EDA: variants seen among roughly 807,000 people sequenced by gnomAD.
EDA encodes the protein ectodysplasin-A.
Under a neutral mutation model 23.6 loss-of-function variants are expected in EDA, and 2 were observed. That is an observed-to-expected ratio of 0.08 (90% CI 0.03 to 0.27). EDA has a LOEUF of 0.27. Ranked by LOEUF, EDA falls within the 10% of genes least tolerant of loss-of-function variation. The pLI is 1.00. For synonymous variants in EDA, 131 were observed against 132.0 expected (o/e 0.99, Z 0.05); for missense variants, 229 against 324.2 (o/e 0.71, Z 2.26).
intron 1 of EDA, among the ~76,000 whole-genome samples, chrX:69,893,406 A>G (rs183273616): frequency 8.9e-6 from 1 of 111,905 alleles, no homozygotes; most frequent in Non-Finnish European, 1.9e-5. Context: ...TGAGACCACT[A>G]TTTAACTCAC....
chrX:69,904,118 G>A (rs2018143584), intron 1 of EDA, among the ~76,000 whole-genome samples: 1 of 111,591 alleles, frequency 9.0e-6, no homozygotes, highest in Non-Finnish European at 1.9e-5. Context: ...GCCACATGTG[G>A]TATTTTGATA....
chrX:69,776,612 T>C (rs1369851595), intron 1 of EDA, among the ~76,000 whole-genome samples: 1 of 110,829 alleles, frequency 9.0e-6, no homozygotes, highest in Non-Finnish European at 1.9e-5. Context: ...ATTAACAGCA[T>C]GAGAACAGAG....
intron 1 of EDA, among the ~76,000 whole-genome samples, chrX:69,734,102 A>G (rs1308134515): frequency 1.5e-4 from 17 of 111,669 alleles, no homozygotes; most frequent in Non-Finnish European, 3.2e-4. Flanking sequence ...GGTTTTTAAC[A>G]AAAAGTATTT....
chrX:69,667,140 T>G (rs1406979332), intron 1 of EDA, among the ~76,000 whole-genome samples: 1 of 90,287 alleles, frequency 1.1e-5, no homozygotes, highest in Non-Finnish European at 2.1e-5. Flanking sequence ...TTTTTTGAAA[T>G]GGAGTCTCGC....
chrX:70,037,277 C>T lies in EDA; in HGVS notation c.*1668C>T, dbSNP rs950224892. The T allele has an allele frequency of 1.8e-5, 2 of 111,791 alleles. No homozygotes were observed. The highest frequency in any genetic ancestry group is 6.5e-5 in the African/African-American group (2 of 30,719). 9.2% of individuals were successfully genotyped at this position (111,791 alleles called of 1,213,427 possible). A position where few individuals can be genotyped will look rare whatever the true frequency, so the allele number is the denominator to read the frequency against. Reference sequence around the variant, plus strand: ...CTTCCCTTTCTAAGCAACCACACTGCTTGGCCCTTCAAGGGTCAGGGTGAG... The same window carrying T: ...CTTCCCTTTCTAAGCAACCACACTGTTTGGCCCTTCAAGGGTCAGGGTGAG... On this transcript the variant is annotated 3_prime_UTR_variant, in exon 8 of 8. Coordinates refer to ENST00000374552, the MANE Select transcript of EDA (RefSeq NM_001399.5).
At chrX:69,683,428 A>G (rs1370914075) in intron 1 of EDA, among the ~76,000 whole-genome samples, 3 of 111,624 alleles carry the variant, frequency 2.7e-5, no homozygotes, top group South Asian at 3.8e-4. Context: ...TCTTCTCTCA[A>G]GAACCTGTCC....
intron 1 of EDA, among the ~76,000 whole-genome samples, chrX:69,785,264 C>T (rs1043300056): frequency 1.1e-5 from 1 of 89,572 alleles, no homozygotes; most frequent in Non-Finnish European, 2.3e-5. Context: ...TTCCTCTTTT[C>T]CTAATTGAAT....
chrX:69,643,108 T>C (rs1437825788), intron 1 of EDA, among the ~76,000 whole-genome samples: 3 of 111,407 alleles, frequency 2.7e-5, no homozygotes, highest in African/African-American at 9.8e-5. Flanking sequence ...CTATTTCTTC[T>C]TTACCACTGT....
chrX:69,811,936 T>C (rs1244377066), intron 1 of EDA, among the ~76,000 whole-genome samples: 1 of 111,682 alleles, frequency 9.0e-6, no homozygotes, highest in Non-Finnish European at 1.9e-5. Flanking sequence ...TATCACCTTG[T>C]CCTGATGTGG....
At chrX:69,795,027 T>C (rs189256873) in intron 1 of EDA, among the ~76,000 whole-genome samples, 1 of 111,547 alleles carries the variant, frequency 9.0e-6, no homozygotes, top group East Asian at 2.8e-4. Flanking sequence ...ATTTTTTATT[T>C]TTAAATTCTT....
rs974765402 is a variant in EDA, at chrX:69,842,240, C to T, written c.397-114787C>T. ...TCACACATACGAGGGATCTAGGTTG[C>T]GTGCTCCTTATGAGAATCTAATGTC... On this transcript the variant is annotated intron_variant, in intron 1 of 7. Transcript: ENST00000374552. Among the ~76,000 whole-genome samples, 8 of 111,760 alleles carry T rather than the reference C, an allele frequency of 7.2e-5. No individual in the cohort carries two copies. The South Asian group carries it at 2.3e-3, about 32-fold the overall frequency.
chrX:70,008,610 G>A (rs866338562), intron 2 of EDA, among the ~76,000 whole-genome samples: 1 of 111,348 alleles, frequency 9.0e-6, no homozygotes, highest in Non-Finnish European at 1.9e-5. Flanking sequence ...TTCCTTTCTT[G>A]TAGTGCCTCT....
intron 1 of EDA, among the ~76,000 whole-genome samples, chrX:69,670,730 G>A (rs1374429730): frequency 9.2e-6 from 1 of 108,545 alleles, no homozygotes; most frequent in Non-Finnish European, 1.9e-5. Flanking sequence ...TTTGCTGATT[G>A]AACTTTTCAG....
intron 2 of EDA, among the ~76,000 whole-genome samples, chrX:69,996,334 C>A (rs1035836923): frequency 8.0e-5 from 9 of 111,936 alleles, no homozygotes; most frequent in African/African-American, 2.6e-4. Context: ...GTGTTACTCA[C>A]TTCTATTTCT....
intron 1 of EDA, among the ~76,000 whole-genome samples, chrX:69,695,088 G>A (rs1050589752): frequency 2.7e-5 from 3 of 111,845 alleles, no homozygotes; most frequent in Non-Finnish European, 3.8e-5. Flanking sequence ...GGGAGGCCAA[G>A]GCAGGTGGAT....
At chrX:69,767,069 T>C (rs1186851058) in intron 1 of EDA, among the ~76,000 whole-genome samples, 3 of 111,570 alleles carry the variant, frequency 2.7e-5, no homozygotes, top group Admixed American at 9.5e-5. Context: ...TATTCTGTCT[T>C]GCCAGGCTGC....
intron 2 of EDA, among the ~76,000 whole-genome samples, chrX:69,973,263 C>T (rs985453669): frequency 9.0e-6 from 1 of 111,441 alleles, no homozygotes; most frequent in African/African-American, 3.3e-5. Flanking sequence ...GGACTGACCA[C>T]CAAAAACAAG....
At chrX:69,797,511 TA>T (rs963419851) in intron 1 of EDA, among the ~76,000 whole-genome samples, 2 of 110,970 alleles carry the variant, frequency 1.8e-5, no homozygotes, top group African/African-American at 6.5e-5. Context: ...TTGCTGTTCA[TA>T]AAAGAAGAAG....
At chrX:69,801,584 C>A (rs758276691) in intron 1 of EDA, among the ~76,000 whole-genome samples, 1 of 111,353 alleles carries the variant, frequency 9.0e-6, no homozygotes, top group South Asian at 3.7e-4. Flanking sequence ...GAAACAAAAT[C>A]CAAAAACCAG....
Sources: allele counts gnomAD v4.1 joint callset (sites outside exome capture counted in the v4.1 genomes callset), GRCh38; gene constraint gnomAD v4.1.1; transcripts MANE v1.5; gene names NCBI Gene and HGNC (gene_info 2026-07-23, HGNC 2026-07-21).